MTHFD1L: variants seen among roughly 807,000 people sequenced by gnomAD.
MTHFD1L encodes monofunctional C1-tetrahydrofolate synthase, mitochondrial.
MTHFD1L carries 81 observed loss-of-function variants against 119.5 expected under a neutral mutation model. The observed-to-expected ratio is 0.68, with a 90% CI of 0.57 to 0.82. The LOEUF (loss-of-function observed/expected upper bound fraction) is 0.82. Ranked by LOEUF, MTHFD1L falls within the 40% of genes least tolerant of loss-of-function variation. The probability of loss-of-function intolerance (pLI) is 0.00; values close to 1 mark genes in which losing one functional copy is unlikely to be tolerated. For synonymous variants in MTHFD1L, 430 were observed against 475.2 expected, an observed-to-expected ratio of 0.90 and a Z score of 1.24; for missense variants, 1,125 against 1,253.4, an observed-to-expected ratio of 0.90 and a Z score of 1.55.
intron 20 of MTHFD1L, among the ~76,000 whole-genome samples, chr6:151,009,617 G>A (rs995478430): frequency 3.3e-5 from 5 of 152,160 alleles, no homozygotes; most frequent in Non-Finnish European, 5.9e-5. Context: ...CAGGCCTGGC[G>A]GTGGGAAGCA....
intron 2 of MTHFD1L, 145 bp downstream of exon 2, chr6:150,876,319 T>C (rs556448206): frequency 2.4e-4 from 161 of 681,960 alleles, no homozygotes; most frequent in Non-Finnish European, 3.7e-4. Context: ...TTTTGCTTCT[T>C]TGGGGTCACG....
At chr6:151,041,114 G>A (rs951615258) in intron 26 of MTHFD1L, among the ~76,000 whole-genome samples, 2 of 152,204 alleles carry the variant, frequency 1.3e-5, no homozygotes, top group Non-Finnish European at 2.9e-5. Context: ...CGGGTGTGGG[G>A]CATGAGGAAG....
intron 1 of MTHFD1L, among the ~76,000 whole-genome samples, chr6:150,869,040 A>C (rs1296636919): frequency 6.6e-6 from 1 of 152,236 alleles, no homozygotes. Flanking sequence ...CAGCCTGGGC[A>C]ATGGAGTGAG....
intron 27 of MTHFD1L, among the ~76,000 whole-genome samples, chr6:151,096,092 G>C (rs529581344): frequency 1.3e-5 from 2 of 152,168 alleles, no homozygotes; most frequent in Admixed American, 6.5e-5. Flanking sequence ...TCAGTCACGG[G>C]TAAAATGAAC....
At chr6:150,957,048 G>C (rs190574521) in intron 17 of MTHFD1L, among the ~76,000 whole-genome samples, 8 of 152,326 alleles carry the variant, frequency 5.3e-5, no homozygotes, top group Non-Finnish European at 1.5e-5. Flanking sequence ...CCAAAATATG[G>C]TGGACTTCCA....
chr6:150,983,400 T>C (rs578185024), intron 20 of MTHFD1L, among the ~76,000 whole-genome samples: 1 of 152,190 alleles, frequency 6.6e-6, no homozygotes, highest in Non-Finnish European at 1.5e-5. Context: ...CCTTAACTCT[T>C]ACAGTTTGTG....
At chr6:151,059,852 C>T (rs1457536079) in intron 26 of MTHFD1L, among the ~76,000 whole-genome samples, 1 of 152,176 alleles carries the variant, frequency 6.6e-6, no homozygotes, top group African/African-American at 2.4e-5. Flanking sequence ...TAGGGAGTCG[C>T]CCGCTTTATT....
intron 4 of MTHFD1L, among the ~76,000 whole-genome samples, 167 bp downstream of exon 4, chr6:150,877,993 C>T (rs575021478): frequency 3.5e-4 from 53 of 152,286 alleles, no homozygotes; most frequent in Non-Finnish European, 6.6e-4. Flanking sequence ...TTCATGATAT[C>T]CTTGTTTCTT....
At chr6:150,957,207 A>C (rs922766242) in intron 17 of MTHFD1L, among the ~76,000 whole-genome samples, 1 of 152,226 alleles carries the variant, frequency 6.6e-6, no homozygotes, top group Non-Finnish European at 1.5e-5. Context: ...GTAAGTGTTC[A>C]GTAAATATCT....
intron 20 of MTHFD1L, among the ~76,000 whole-genome samples, chr6:150,975,948 G>T (rs373941279): frequency 6.6e-6 from 1 of 152,158 alleles, no homozygotes; most frequent in Non-Finnish European, 1.5e-5. Flanking sequence ...TGGCTTAAGG[G>T]GGAAGCGGGG....
At chr6:151,003,887 G>C (rs962621182) in intron 20 of MTHFD1L, among the ~76,000 whole-genome samples, 5 of 152,012 alleles carry the variant, frequency 3.3e-5, no homozygotes, top group Non-Finnish European at 5.9e-5. Flanking sequence ...AAAGTAACTG[G>C]CCTGGTGCAC....
At chr6:150,868,590 G>A (rs1778853757) in intron 1 of MTHFD1L, among the ~76,000 whole-genome samples, 1 of 152,084 alleles carries the variant, frequency 6.6e-6, no homozygotes, top group Admixed American at 6.6e-5. Context: ...GCCTGCCTCA[G>A]CCTCCCAAAG....
intron 4 of MTHFD1L, 73 bp from the exon 5 acceptor site, chr6:150,882,689 A>C: frequency 8.8e-7 from 1 of 1,140,120 alleles, no homozygotes; most frequent in Non-Finnish European, 1.2e-6. Flanking sequence ...TCCACTTTTT[A>C]TATAAAGCTT....
chr6:150,894,168 C>T (rs531844782), intron 7 of MTHFD1L, among the ~76,000 whole-genome samples: 7 of 152,030 alleles, frequency 4.6e-5, no homozygotes, highest in East Asian at 1.9e-4. Flanking sequence ...CTGGGGAGGT[C>T]GAGGTTGCAG....
intron 27 of MTHFD1L, among the ~76,000 whole-genome samples, chr6:151,098,288 C>T (rs890498859): frequency 6.6e-6 from 1 of 152,152 alleles, no homozygotes; most frequent in African/African-American, 2.4e-5. Context: ...CTTCTGTGAA[C>T]ATGATTTGTT....
At chr6:151,069,251 T>TTCTCTCTCTCTCTCTCTCTCTC (rs371324778) in intron 26 of MTHFD1L, among the ~76,000 whole-genome samples, 10 of 136,580 alleles carry the variant, frequency 7.3e-5, no homozygotes, top group South Asian at 4.9e-4. Context: ...TTCTCTCTCT[T>TTCTCTCTCTCTCTCTCTCTCTC]TCTCTCTCTC....
At chr6:151,023,422 A>G (rs1030950090) in intron 24 of MTHFD1L, among the ~76,000 whole-genome samples, 1 of 151,870 alleles carries the variant, frequency 6.6e-6, no homozygotes, top group Non-Finnish European at 1.5e-5. Flanking sequence ...CTTCTCCAAC[A>G]CTGGCTTCTA....
chr6:150,962,309 T>C (rs1013114300), intron 18 of MTHFD1L, among the ~76,000 whole-genome samples: 2 of 152,206 alleles, frequency 1.3e-5, no homozygotes, highest in African/African-American at 4.8e-5. Flanking sequence ...TGTGTGAGTG[T>C]ATGATAAAAA....
Position 150,945,347 on chromosome 6 carries a change from G to A in MTHFD1L, c.1549-120G>A, listed in dbSNP as rs1583707581. ...TTATATTAGCCCACAAATTTTAATA[G>A]GGTCTTTTATCTAAATAGTTCGGTT... is the stretch of plus-strand genomic sequence containing the variant. On this transcript the variant is annotated intron_variant, in intron 14 of 27. Coordinates refer to ENST00000367321, the MANE Select transcript of MTHFD1L (RefSeq NM_015440.5). 5.7e-6 allele frequency: 4 copies of A among 702,344 alleles called. No individual in the cohort carries two copies. In the East Asian group the frequency reaches 8.1e-5, roughly 14 times the overall value. 43.5% of individuals were successfully genotyped at this position (702,344 alleles called of 1,614,324 possible). A position where few individuals can be genotyped will look rare whatever the true frequency, so the allele number is the denominator to read the frequency against.
Sources: gnomAD v4.1 joint callset for allele counts (sites outside exome capture counted in the v4.1 genomes callset) on GRCh38, gnomAD v4.1.1 for gene constraint, MANE v1.5 for transcripts, NCBI Gene and HGNC (gene_info 2026-07-23, HGNC 2026-07-21) for gene names.